Variants in MGST1 observed in about 807,000 individuals in gnomAD.
MGST1 encodes glutathione S-transferase 12.
MGST1 carries 5 observed loss-of-function variants against 8.9 expected under a neutral mutation model. The ratio of observed to expected loss-of-function variants is 0.56; its 90% CI spans 0.29 to 1.19. MGST1 has a LOEUF of 1.19. Ranked by LOEUF, MGST1 falls within the 50% of genes most tolerant of loss-of-function variation. The probability of loss-of-function intolerance (pLI) is 0.08; values close to 1 mark genes in which losing one functional copy is unlikely to be tolerated. For synonymous variants in MGST1, 54 were observed against 67.8 expected, an observed-to-expected ratio of 0.80 and a Z score of 1.00; for missense variants, 182 against 187.4, an observed-to-expected ratio of 0.97 and a Z score of 0.17.
chr12:16,384,011 A>G (rs1228680339), intron 1 of MGST1, among the ~76,000 whole-genome samples: 1 of 152,164 alleles, frequency 6.6e-6, no homozygotes, highest in African/African-American at 2.4e-5. Flanking sequence ...AGAAGCCCAC[A>G]AATAGGAATT....
downstream of MGST1, chr12:16,367,472 C>T (rs1000848833): frequency 6.6e-6 from 1 of 152,184 alleles, no homozygotes; most frequent in Non-Finnish European, 1.5e-5. Flanking sequence ...AGAGGTTAGT[C>T]CATTCTCCTG....
At chr12:16,465,163 T>G (rs1941245153) in intron 4 of MGST1, among the ~76,000 whole-genome samples, 1 of 152,214 alleles carries the variant, frequency 6.6e-6, no homozygotes, top group Non-Finnish European at 1.5e-5. Context: ...GGTTTGTGCT[T>G]GTACAGGGAA....
intron 3 of MGST1, chr12:16,360,169 C>T (rs1256845876): frequency 6.0e-6 from 1 of 165,488 alleles, no homozygotes; most frequent in Non-Finnish European, 1.2e-5. Context: ...CTTTTTGAGA[C>T]AGTACCTGTT....
chr12:16,409,281 T>C (rs940469503), intron 1 of MGST1, among the ~76,000 whole-genome samples: 1 of 151,148 alleles, frequency 6.6e-6, no homozygotes, highest in Non-Finnish European at 1.5e-5. Context: ...TGTGTGTGTT[T>C]GTGTGTGTGT....
intron 1 of MGST1, among the ~76,000 whole-genome samples, chr12:16,424,355 G>A (rs1466436973): frequency 2.0e-5 from 3 of 152,060 alleles, no homozygotes; most frequent in African/African-American, 7.2e-5. Flanking sequence ...AAATATATTG[G>A]AATAAAGTCT....
chr12:16,425,609 T>G (rs887387410), intron 1 of MGST1, among the ~76,000 whole-genome samples: 3 of 152,098 alleles, frequency 2.0e-5, no homozygotes, highest in African/African-American at 7.2e-5. Context: ...ATTCTTAAAC[T>G]ATGGGGCACC....
chr12:16,466,707 C>T (rs1941257743), intron 4 of MGST1, among the ~76,000 whole-genome samples: 2 of 152,172 alleles, frequency 1.3e-5, no homozygotes, highest in East Asian at 1.9e-4. Flanking sequence ...CATTTTTCCT[C>T]TGGATAGAAA....
At chr12:16,529,912 C>T (rs936837622) in intron 4 of MGST1, among the ~76,000 whole-genome samples, 2 of 152,048 alleles carry the variant, frequency 1.3e-5, no homozygotes, top group African/African-American at 4.8e-5. Flanking sequence ...GGCATAGCTC[C>T]AATTAACTAT....
At chr12:16,455,186 C>T (rs1011053669) in intron 4 of MGST1, among the ~76,000 whole-genome samples, 3 of 151,774 alleles carry the variant, frequency 2.0e-5, no homozygotes, top group Non-Finnish European at 4.4e-5. Flanking sequence ...GTCTACCTAC[C>T]GGTTTGAAAA....
rs1351832294 is a variant in MGST1 at position 16,361,252 on chromosome 12, G to T, written c.222-2543G>T. Among the ~76,000 whole-genome samples, 2 of 152,258 alleles carry T rather than the reference G, an allele frequency of 1.3e-5. No homozygotes were observed. The highest frequency in any genetic ancestry group is 4.2e-4 in the South Asian group (2 of 4,818). ...CTGCTGTGCAGCTCCTTTTGTAGTT[G>T]TTCACAGCCTGACAATCCCCAGAAG... On this transcript the variant is annotated intron_variant, in intron 3 of 3. Transcript: ENST00000396210. The surrounding 1 kb of genome is among the most constrained non-coding windows in gnomAD (Gnocchi z 4.2).
chr12:16,492,394 C>T (rs904625605), intron 4 of MGST1, among the ~76,000 whole-genome samples: 5 of 152,106 alleles, frequency 3.3e-5, no homozygotes, highest in Non-Finnish European at 7.4e-5. Context: ...CAGCTTGTAG[C>T]TATACATTAG....
intron 1 of MGST1, among the ~76,000 whole-genome samples, chr12:16,350,421 C>T (rs1939409471): frequency 6.6e-6 from 1 of 152,128 alleles, no homozygotes; most frequent in Admixed American, 6.5e-5. Flanking sequence ...TAGTGTTTTT[C>T]CCTGCTTACT....
rs181274755 is a variant in MGST1, at chr12:16,547,988, C to A, written n.483-41540C>A. ...CCCTGTTTCAGTTAAGGTGCAACAT[C>A]TCTTCTGTAAAAATGTAGAATTGAG... On this transcript the variant is annotated intron_variant and non_coding_transcript_variant, in intron 4 of 4. Coordinates refer to the MGST1 transcript ENST00000538857. The surrounding 1 kb of genome is among the most constrained non-coding windows in gnomAD (Gnocchi z 4.6). Among the ~76,000 whole-genome samples the A allele has an allele frequency of 1.3e-5, 2 of 152,254 alleles. No homozygotes were observed. The highest frequency in any genetic ancestry group is 3.9e-4 in the East Asian group (2 of 5,184).
At chr12:16,449,849 A>C (rs1038330859) in intron 4 of MGST1, among the ~76,000 whole-genome samples, 4 of 151,912 alleles carry the variant, frequency 2.6e-5, no homozygotes, top group Non-Finnish European at 4.4e-5. Context: ...CAGTGAGAAT[A>C]CTCAAAAGGC....
At position 16,495,089 on chromosome 12, in the gene MGST1, A is replaced by C. The variant is rs200719643; in HGVS notation, n.483-94439A>C. Among the ~76,000 whole-genome samples the C allele has an allele frequency of 2.0e-5, 3 of 152,272 alleles. No homozygotes were observed. The East Asian group carries it at 5.8e-4, about 29-fold the overall frequency. On this transcript the variant is annotated intron_variant and non_coding_transcript_variant, in intron 4 of 4. Transcript: ENST00000538857. ...GTTTCTTTAATATAAAATGAAGATAATTAACACCAGTATTCCTAACACCAT... is the reference window on the plus strand; with the variant it reads ...GTTTCTTTAATATAAAATGAAGATACTTAACACCAGTATTCCTAACACCAT...
At chr12:16,399,970 G>T (rs1769205246) in intron 1 of MGST1, 4 of 1,365,538 alleles carry the variant, frequency 2.9e-6, no homozygotes, top group Admixed American at 1.7e-5. Context: ...CGCACTACTA[G>T]TGGGCTGAAG....
chr12:16,487,714 C>T (rs554519209), intron 4 of MGST1, among the ~76,000 whole-genome samples: 9 of 152,072 alleles, frequency 5.9e-5, no homozygotes, highest in South Asian at 4.2e-4. Context: ...GTGGCGTGAT[C>T]GTAGCTCACT....
At position 16,482,773 on chromosome 12, in the gene MGST1, T is replaced by C. The variant is rs181552940; in HGVS notation, n.482+99169T>C. 6.4e-4 allele frequency among the ~76,000 whole-genome samples: 97 copies of C among 152,358 alleles called. No individual in the cohort carries two copies. Among genetic ancestry groups the C allele is most frequent in the African/African-American group, 2.3e-3 (95 of 41,586 alleles). On this transcript the variant is annotated intron_variant and non_coding_transcript_variant, in intron 4 of 4. Coordinates refer to the MGST1 transcript ENST00000538857. The surrounding 1 kb of genome is among the most constrained non-coding windows in gnomAD (Gnocchi z 4.2). ...AGATACGCAAAGGATTAGACTATCATGTCGGATACACCGAAATCAGAGACC... is the reference window on the plus strand; with the variant it reads ...AGATACGCAAAGGATTAGACTATCACGTCGGATACACCGAAATCAGAGACC...
chr12:16,432,729 C>CAG (rs796540022), intron 1 of MGST1, among the ~76,000 whole-genome samples: 371 of 131,138 alleles, frequency 2.8e-3, no homozygotes, highest in African/African-American at 7.5e-3. Flanking sequence ...CACACACACA[C>CAG]ACAGAGAGAG....
Sources: allele counts gnomAD v4.1 joint callset (sites outside exome capture counted in the v4.1 genomes callset), GRCh38; gene constraint gnomAD v4.1.1; non-coding constraint Gnocchi (gnomAD v3.1); transcripts MANE v1.5; gene names NCBI Gene and HGNC (gene_info 2026-07-23, HGNC 2026-07-21).